The following UROD variants were observed in gnomAD, a reference collection of about 807,000 sequenced individuals.
UROD encodes uroporphyrinogen III decarboxylase.
In UROD, 34 loss-of-function variants were observed where a neutral mutation model predicts 47.1. That is an observed-to-expected ratio of 0.72 (90% CI 0.55 to 0.96). The LOEUF (loss-of-function observed/expected upper bound fraction) is 0.96. Ranked by LOEUF, UROD falls within the 40% of genes least tolerant of loss-of-function variation. The probability of loss-of-function intolerance (pLI) is 0.00; values close to 1 mark genes in which losing one functional copy is unlikely to be tolerated. For missense variants in UROD, 381 were observed against 471.8 expected, an observed-to-expected ratio of 0.81 and a Z score of 1.78; for synonymous variants, 148 against 175.8, an observed-to-expected ratio of 0.84 and a Z score of 1.25.
chr1:45,012,690 TA>T (rs1644811831), intron 1 of UROD: 1 of 920,876 alleles, frequency 1.1e-6, no homozygotes. Flanking sequence ...GAGTAGAGAC[TA>T]AGTGGAGGGA....
In UROD at chr1:45,014,017, C is replaced by T. The variant is rs121918064; in HGVS notation, c.583C>T (p.Leu195Phe). Reference protein sequence around the residue: ...PQASHQLLRILTDALVPYLVG... With the variant: ...PQASHQLLRIFTDALVPYLVG... ...GGCTAGTCACCAGCTGCTTCGCATC[C>T]TCACTGATGCTCTGGTCCCATATCT... The change falls in exon 6 of 10, where the codon CTC becomes TTC. Residue 195 changes from leucine to phenylalanine, a missense_variant. Physicochemically the swap from Leu to Phe is conservative, Grantham distance 22. Transcript: ENST00000246337. The T allele has an allele frequency of 1.9e-6, 3 of 1,614,266 alleles. No individual in the cohort carries two copies. Among genetic ancestry groups the T allele is most frequent in the Non-Finnish European group, 2.5e-6 (3 of 1,180,050 alleles).
chr1:45,013,186 C>T lies in UROD; in HGVS notation c.184C>T (p.Pro62Ser). The T allele has an allele frequency of 1.2e-6, 2 of 1,614,192 alleles. No individual in the cohort carries two copies. Among genetic ancestry groups the T allele is most frequent in the South Asian group, 1.1e-5 (1 of 91,084 alleles). The part of the protein sequence containing the change: ...AQDFFSTCRS[P>S]EACCELTLQP... ...GGACTTTTTCAGCACGTGTCGCTCT[C>T]CTGAGGCCTGCTGTGAACTGACTCT... Residue 62 changes from proline (P) to serine (S), a missense_variant, in exon 3 of 10, where the codon CCT (proline) becomes TCT (serine). By Grantham distance (74) the Pro-to-Ser change is moderately conservative. Transcript: ENST00000246337. The surrounding 1 kb of genome is among the most constrained non-coding windows in gnomAD (Gnocchi z 4.2).
intron 9 of UROD, 108 bp downstream of exon 9, chr1:45,015,114 C>G (rs537487606): frequency 6.4e-7 from 1 of 1,557,028 alleles, no homozygotes; most frequent in South Asian, 1.1e-5. Context: ...TTTTCTTCTA[C>G]TCTGTACAAC....
Position 45,012,407 on chromosome 1 carries a change from A to G in UROD, c.20+122A>G, listed in dbSNP as rs1394420752. 5 of 1,372,386 alleles carry G rather than the reference A, an allele frequency of 3.6e-6. No homozygotes were observed. The Admixed American group carries it at 6.9e-5, about 19-fold the overall frequency. 85.0% of individuals were successfully genotyped at this position (1,372,386 alleles called of 1,614,324 possible). A position where few individuals can be genotyped will look rare whatever the true frequency, so the allele number is the denominator to read the frequency against. Reference sequence around the variant, plus strand: ...GAGACCTCCCAACCTGAACTCCGTTAGCTGGGATCCTGAATCCTAAAACCA... The same window carrying G: ...GAGACCTCCCAACCTGAACTCCGTTGGCTGGGATCCTGAATCCTAAAACCA... On this transcript the variant is annotated intron_variant, in intron 1 of 9. Transcript: ENST00000246337.
intron 9 of UROD, 137 bp from the exon 10 acceptor site, chr1:45,015,199 AG>A: frequency 6.9e-7 from 1 of 1,442,460 alleles, no homozygotes. Context: ...GGTCCATACT[AG>A]GGATCTGATA....
chr1:45,014,246 T>G, intron 6 of UROD, 176 bp downstream of exon 6: 1 of 1,287,872 alleles, frequency 7.8e-7, no homozygotes, highest in South Asian at 1.2e-5. Context: ...GGCTTAATGC[T>G]CTAAGTATTC....
chr1:45,012,560 C>A (rs781621513), intron 1 of UROD: 80 of 620,742 alleles, frequency 1.3e-4, no homozygotes, highest in Non-Finnish European at 2.0e-4. Flanking sequence ...ATTTCTCAGC[C>A]CCTGAACCAG....
rs770207977 is a variant in UROD at position 45,015,038 on chromosome 1, A to C, written c.942+32A>C. On this transcript the variant is annotated intron_variant, in intron 9 of 9. Transcript: ENST00000246337. ...GCCAGGGCCCCTCTGTGTGTCTGTT[A>C]CTGTGCACTCCTGTGGCTGTGGCTG... The C allele has an allele frequency of 5.0e-6, 8 of 1,612,450 alleles. 1 individual carries two copies. Among genetic ancestry groups the C allele is most frequent in the Admixed American group, 1.7e-5 (1 of 59,998 alleles).
intron 1 of UROD, chr1:45,012,648 C>A (rs1644811459): frequency 1.5e-6 from 1 of 687,254 alleles, no homozygotes; most frequent in South Asian, 1.9e-5. Context: ...CATTCCCTCC[C>A]CCCAGTCCCT....
At chr1:45,015,270 CTAGTATATA>C in intron 9 of UROD, 58 bp from the exon 10 acceptor site, 1 of 1,594,346 alleles carries the variant, frequency 6.3e-7, no homozygotes, top group Non-Finnish European at 8.6e-7. Context: ...GCGTTTGTCA[CTAGTATATA>C]TAGGGAGGAC....
In UROD at chr1:45,012,260, C is replaced by T. The variant is rs773905460; in HGVS notation, c.-6C>T. On this transcript the variant is annotated 5_prime_UTR_variant, in exon 1 of 10. Coordinates refer to ENST00000246337, the MANE Select transcript of UROD (RefSeq NM_000374.5). Reference sequence around the variant, plus strand: ...GGATTGAGCTCGCAGTTACAGACAGCTGACCATGGAAGCGAATGGGTTGGG... The same window carrying T: ...GGATTGAGCTCGCAGTTACAGACAGTTGACCATGGAAGCGAATGGGTTGGG... 1.2e-6 allele frequency: 2 copies of T among 1,613,822 alleles called. No homozygotes were observed. Among genetic ancestry groups the T allele is most frequent in the African/African-American group, 2.7e-5 (2 of 74,922 alleles).
rs776818772 is a variant in UROD, at chr1:45,015,375, C to T, written c.981C>T (p.Asp327=). Residue 327 remains aspartate, a synonymous_variant, in exon 10 of 10, where the codon GAC becomes GAT. Transcript: ENST00000246337. ...AGTTGGTGAAGCAGATGCTGGATGACTTTGGACCACATCGCTACATTGCCA... is the reference window on the plus strand; with the variant it reads ...AGTTGGTGAAGCAGATGCTGGATGATTTTGGACCACATCGCTACATTGCCA... ...IGQLVKQMLD[D]FGPHRYIANL... 2.5e-6 allele frequency: 4 copies of T among 1,614,170 alleles called. No homozygotes were observed. The highest frequency in any genetic ancestry group is 3.4e-6 in the Non-Finnish European group (4 of 1,180,026).
intron 1 of UROD, 92 bp downstream of exon 1, chr1:45,012,377 C>T (rs1644807436): frequency 6.4e-7 from 1 of 1,569,796 alleles, no homozygotes; most frequent in Non-Finnish European, 8.8e-7. Flanking sequence ...CCTTTCCCCA[C>T]CCTGGAGACC....
Position 45,013,132 on chromosome 1 carries a change from G to C in UROD, c.134-4G>C. 6.2e-7 allele frequency: 1 copy of C among 1,614,154 alleles called. No individual in the cohort carries two copies. Among genetic ancestry groups the C allele is most frequent in the South Asian group, 1.1e-5 (1 of 91,082 alleles). ...GCTGAGCCCTGTCTTCCCTCTGTAT[G>C]CAGAGTTTAGGGAAACCCGGGCTGC... is the stretch of plus-strand genomic sequence containing the variant. On this transcript the variant is annotated splice_polypyrimidine_tract_variant and splice_region_variant and intron_variant, in intron 2 of 9. Coordinates refer to ENST00000246337, the MANE Select transcript of UROD (RefSeq NM_000374.5). This position sits in a 1 kb window ranked among gnomAD's most constrained non-coding sequence, Gnocchi z 4.2.
Position 45,013,795 on chromosome 1 carries a change from A to G in UROD, c.474+4A>G, listed in dbSNP as rs758966550. On this transcript the variant is annotated splice_donor_region_variant and intron_variant, in intron 5 of 9. Transcript: ENST00000246337. This position sits in a 1 kb window ranked among gnomAD's most constrained non-coding sequence, Gnocchi z 4.2. ...GATTGGCTTTGCTGGTGCCCCAGTA[A>G]TGTGGGACAGGGCAGGGACTCGGGG... The G allele has an allele frequency of 1.2e-6, 2 of 1,614,156 alleles. No individual in the cohort carries two copies. Among genetic ancestry groups the G allele is most frequent in the South Asian group, 2.2e-5 (2 of 91,088 alleles).
chr1:45,012,398 A>C (rs1644807691), intron 1 of UROD, 113 bp downstream of exon 1: 1 of 1,452,368 alleles, frequency 6.9e-7, no homozygotes, highest in African/African-American at 1.4e-5. Context: ...TCCCAACCTG[A>C]ACTCCGTTAG....
intron 1 of UROD, 131 bp downstream of exon 1, chr1:45,012,416 C>A: frequency 7.7e-7 from 1 of 1,297,290 alleles, no homozygotes. Flanking sequence ...TAGCTGGGAT[C>A]CTGAATCCTA....
intron 1 of UROD, chr1:45,012,594 G>A (rs1644810577): frequency 1.6e-6 from 1 of 617,114 alleles, no homozygotes; most frequent in East Asian, 2.8e-5. Context: ...CCGTTTCTGA[G>A]GCTCACTAGT....
chr1:45,012,833 C>CT (rs746749492), intron 1 of UROD, 74 bp from the exon 2 acceptor site: 6 of 1,591,238 alleles, frequency 3.8e-6, no homozygotes, highest in Non-Finnish European at 4.3e-6. Context: ...CTGAATCGGC[C>CT]TTATGAACCC....
Sources: gnomAD v4.1 joint callset for allele counts on GRCh38, gnomAD v4.1.1 for gene constraint, Gnocchi (gnomAD v3.1) non-coding constraint, MANE v1.5 for transcripts, NCBI Gene and HGNC (gene_info 2026-07-23, HGNC 2026-07-21) for gene names.